F2R: variants seen among roughly 807,000 people sequenced by gnomAD.
The protein encoded by F2R is proteinase-activated receptor 1.
A neutral mutation model predicts 18.3 loss-of-function variants in F2R; 12 were observed. The ratio of observed to expected loss-of-function variants is 0.66; its 90% CI spans 0.42 to 1.06. The LOEUF (loss-of-function observed/expected upper bound fraction) is 1.06. F2R is among the 50% of genes least tolerant of loss of function. The pLI is 0.00. For synonymous variants in F2R, 210 were observed against 219.9 expected, an observed-to-expected ratio of 0.95 and a Z score of 0.40; for missense variants, 438 against 530.8, an observed-to-expected ratio of 0.83 and a Z score of 1.72.
chr5:76,726,742 C>A (rs943449910), intron 1 of F2R, among the ~76,000 whole-genome samples: 58 of 152,018 alleles, frequency 3.8e-4, no homozygotes, highest in African/African-American at 1.4e-3. Flanking sequence ...TTTGCATATG[C>A]ATGTTTTTGT....
chr5:76,716,355 C>A lies in F2R; in HGVS notation c.48C>A (p.Cys16Ter), dbSNP rs1004191294. 2.1e-6 allele frequency: 3 copies of A among 1,462,256 alleles called. No individual in the cohort carries two copies. Among genetic ancestry groups the A allele is most frequent in the African/African-American group, 1.5e-5 (1 of 68,934 alleles). 90.6% of individuals were successfully genotyped at this position (1,462,256 alleles called of 1,614,324 possible). The change falls in exon 1 of 2, where the codon TGC becomes TGA. Residue 16 changes from cysteine (C) to a stop codon, truncating the protein, a stop_gained. Coordinates refer to ENST00000319211, the MANE Select transcript of F2R (RefSeq NM_001992.5). LOFTEE classifies it low-confidence loss of function (END_TRUNC). ...LLLVAACFSL[C>*]GPLLSARTRA... ...TGGTGGCCGCCTGCTTCAGTCTGTG[C>A]GGCCCGCTGTTGTCTGCCCGCACCC...
chr5:76,730,634 A>G (rs1048348174), intron 1 of F2R, among the ~76,000 whole-genome samples: 1 of 152,172 alleles, frequency 6.6e-6, no homozygotes, highest in African/African-American at 2.4e-5. Context: ...AATTCTGGAC[A>G]CTATCTACCT....
chr5:76,716,526 A>G, intron 1 of F2R, 131 bp downstream of exon 1: 1 of 856,526 alleles, frequency 1.2e-6, no homozygotes, highest in Non-Finnish European at 1.7e-6. Context: ...TTGGGCTGAG[A>G]TCTGGAGTTT....
In F2R at chr5:76,733,609, C is replaced by A. The variant is rs1748726498; in HGVS notation, c.*106C>A. On this transcript the variant is annotated 3_prime_UTR_variant, in exon 2 of 2. Transcript: ENST00000319211. ...TTTATTGATTCACCTCCTAAAACAA[C>A]AGATGTACGACTTGCATACCTGCTT... 1 of 873,140 alleles carries A rather than the reference C, an allele frequency of 1.1e-6. No individual in the cohort carries two copies. The highest frequency in any genetic ancestry group is 1.7e-6 in the Non-Finnish European group (1 of 583,678). 54.1% of individuals were successfully genotyped at this position (873,140 alleles called of 1,614,324 possible).
In F2R at chr5:76,733,337, A is replaced by G; in HGVS notation, c.1112A>G (p.Tyr371Cys). 1.9e-6 allele frequency: 3 copies of G among 1,614,040 alleles called. No homozygotes were observed. Among genetic ancestry groups the G allele is most frequent in the Non-Finnish European group, 2.5e-6 (3 of 1,180,022 alleles). ...SISCCIDPLI[Y>C]YYASSECQRY... ...AGCTGCTGCATCGACCCCCTAATTTACTATTACGCTTCCTCTGAGTGCCAG... is the reference window on the plus strand; with the variant it reads ...AGCTGCTGCATCGACCCCCTAATTTGCTATTACGCTTCCTCTGAGTGCCAG... The change falls in exon 2 of 2, where the codon TAC becomes TGC. Residue 371 changes from tyrosine (Y) to cysteine (C), a missense_variant. Coordinates refer to ENST00000319211, the MANE Select transcript of F2R (RefSeq NM_001992.5).
chr5:76,727,054 C>G (rs1313922534), intron 1 of F2R, among the ~76,000 whole-genome samples: 1 of 152,202 alleles, frequency 6.6e-6, no homozygotes, highest in East Asian at 1.9e-4. Flanking sequence ...ACAACTTGTT[C>G]ATTCCCTCAT....
In F2R at chr5:76,735,647, T is replaced by C. The variant is rs998906987; in HGVS notation, c.*2144T>C. 5 of 152,230 alleles carry C rather than the reference T, an allele frequency of 3.3e-5. No individual in the cohort carries two copies. Among genetic ancestry groups the C allele is most frequent in the Non-Finnish European group, 7.3e-5 (5 of 68,040 alleles). 9.4% of individuals were successfully genotyped at this position (152,230 alleles called of 1,614,324 possible). ...AATCAGTGAAGATTTACTGTCATTG[T>C]TTATTAGTCTGTATATATTAAAATA... On this transcript the variant is annotated 3_prime_UTR_variant, in exon 2 of 2. Transcript: ENST00000319211.
At chr5:76,725,275 G>A (rs1748534756) in intron 1 of F2R, among the ~76,000 whole-genome samples, 2 of 152,112 alleles carry the variant, frequency 1.3e-5, no homozygotes, top group African/African-American at 2.4e-5. Flanking sequence ...TAAAGAGTCC[G>A]TATTTAAACT....
chr5:76,726,521 A>T (rs1748557227), intron 1 of F2R, among the ~76,000 whole-genome samples: 2 of 149,886 alleles, frequency 1.3e-5, no homozygotes, highest in South Asian at 4.2e-4. Flanking sequence ...TGGGCGAAAG[A>T]GCGAGACTCT....
At chr5:76,722,819 T>C (rs559667117) in intron 1 of F2R, among the ~76,000 whole-genome samples, 2 of 152,104 alleles carry the variant, frequency 1.3e-5, no homozygotes, top group South Asian at 4.2e-4. Flanking sequence ...GGCATGGTGG[T>C]GCACAACTGT....
At chr5:76,726,536 C>CA (rs1285539395) in intron 1 of F2R, among the ~76,000 whole-genome samples, 274 of 123,370 alleles carry the variant, frequency 2.2e-3, no homozygotes, top group Middle Eastern at 4.8e-3. Context: ...GACTCTGTCT[C>CA]AAAAAAAAAA....
chr5:76,732,457 A>G lies in F2R; in HGVS notation c.232A>G (p.Ser78Gly), dbSNP rs535365452. Residue 78 changes from serine (S) to glycine (G), a missense_variant, in exon 2 of 2, where the codon AGT (serine) becomes GGT (glycine). Coordinates refer to ENST00000319211, the MANE Select transcript of F2R (RefSeq NM_001992.5). ...EYRLVSINKS[S>G]PLQKQLPAFI... is the part of the protein sequence containing the mutation. ...CAGATTAGTCTCCATCAATAAAAGCAGTCCTCTTCAAAAACAACTTCCTGC... is the reference window on the plus strand; with the variant it reads ...CAGATTAGTCTCCATCAATAAAAGCGGTCCTCTTCAAAAACAACTTCCTGC... 1.4e-5 allele frequency: 23 copies of G among 1,614,190 alleles called. 1 individual carries two copies. The highest frequency in any genetic ancestry group is 1.6e-4 in the Middle Eastern group (1 of 6,062).
chr5:76,721,905 T>G lies in F2R; in HGVS notation c.88+5510T>G, dbSNP rs973312108. 2.6e-5 allele frequency among the ~76,000 whole-genome samples: 4 copies of G among 152,204 alleles called. No homozygotes were observed. The East Asian group carries it at 7.7e-4, about 29-fold the overall frequency. On this transcript the variant is annotated intron_variant, in intron 1 of 1. Coordinates refer to ENST00000319211, the MANE Select transcript of F2R (RefSeq NM_001992.5). ...CCACACTATATTCTATTTTTAATGC[T>G]TATTGCAATCTTGTGAATTGATTTC...
intron 1 of F2R, among the ~76,000 whole-genome samples, chr5:76,727,866 T>G (rs140184309): frequency 6.6e-6 from 1 of 151,608 alleles, no homozygotes; most frequent in East Asian, 1.9e-4. Context: ...CTCACTGTCT[T>G]TTTACTTAAG....
In F2R at chr5:76,735,033, G is replaced by A. The variant is rs1348121335; in HGVS notation, c.*1530G>A. The A allele has an allele frequency of 6.6e-6, 1 of 152,240 alleles. No individual in the cohort carries two copies. The highest frequency in any genetic ancestry group is 2.4e-5 in the African/African-American group (1 of 41,420). 9.4% of individuals were successfully genotyped at this position (152,240 alleles called of 1,614,324 possible). On this transcript the variant is annotated 3_prime_UTR_variant, in exon 2 of 2. Transcript: ENST00000319211. ...CTTAAGACTTAATGAGACTTTAAAAGCATTTTTTAACCTCCTAAGTATCAA... is the reference window on the plus strand; with the variant it reads ...CTTAAGACTTAATGAGACTTTAAAAACATTTTTTAACCTCCTAAGTATCAA...
intron 1 of F2R, among the ~76,000 whole-genome samples, chr5:76,728,479 A>G (rs1748611086): frequency 6.6e-6 from 1 of 152,154 alleles, no homozygotes; most frequent in South Asian, 2.1e-4. Context: ...ATTTCACTTA[A>G]CATTATGCCC....
rs1245249873 is a variant in F2R at position 76,732,801 on chromosome 5, C to A, written c.576C>A (p.Leu192=). 6.2e-7 allele frequency: 1 copy of A among 1,614,082 alleles called. No homozygotes were observed. The highest frequency in any genetic ancestry group is 1.3e-5 in the African/African-American group (1 of 74,916). ...GTAACATGTACGCCTCTATCTTGCTCATGACAGTCATAAGCATTGACCGGT... is the reference window on the plus strand; with the variant it reads ...GTAACATGTACGCCTCTATCTTGCTAATGACAGTCATAAGCATTGACCGGT... ...FYCNMYASIL[L]MTVISIDRFL... Residue 192 remains leucine, a synonymous_variant, in exon 2 of 2, where the codon CTC becomes CTA. Transcript: ENST00000319211.
intron 1 of F2R, among the ~76,000 whole-genome samples, chr5:76,720,840 G>A (rs908521507): frequency 2.0e-5 from 3 of 152,098 alleles, no homozygotes; most frequent in African/African-American, 7.2e-5. Context: ...CAGGGTCTAG[G>A]TGTCTTACTC....
chr5:76,727,636 T>TATAG lies in F2R; in HGVS notation c.89-4677_89-4676insTAGA, dbSNP rs137975770. On this transcript the variant is annotated intron_variant, in intron 1 of 1. Transcript: ENST00000319211. Reference sequence around the variant, plus strand: ...TGCTGTCTCTGAGTTGGTACTACTCTAGCTTTGCTCTTCATTTTGGAAATA... The same window carrying TATAG: ...TGCTGTCTCTGAGTTGGTACTACTCTATAGAGCTTTGCTCTTCATTTTGGAAATA... 9.4e-3 allele frequency among the ~76,000 whole-genome samples: 1,426 copies of TATAG among 152,324 alleles called. 16 individuals are homozygous for TATAG. Among genetic ancestry groups the TATAG allele is most frequent in the African/African-American group, 0.031 (1,305 of 41,574 alleles).
Sources: allele counts gnomAD v4.1 joint callset (sites outside exome capture counted in the v4.1 genomes callset), GRCh38; gene constraint gnomAD v4.1.1; transcripts MANE v1.5; gene names NCBI Gene and HGNC (gene_info 2026-07-23, HGNC 2026-07-21).